The following OAS3 variants were observed in gnomAD, a reference collection of about 807,000 sequenced individuals.
OAS3 encodes the protein 2'-5'-oligoadenylate synthase 3.
OAS3 carries 107 observed loss-of-function variants against 113.0 expected under a neutral mutation model. That is an observed-to-expected ratio of 0.95 (90% CI 0.81 to 1.11). OAS3 has a LOEUF of 1.11. Ranked by LOEUF, OAS3 falls within the 50% of genes most tolerant of loss-of-function variation. OAS3 has a pLI of 0.00. For synonymous variants in OAS3, 552 were observed against 573.6 expected (o/e 0.96, Z 0.54); for missense variants, 1,258 against 1,389.1 (o/e 0.91, Z 1.50).
chr12:112,964,168 G>A (rs2043913010), intron 10 of OAS3, 67 bp from the exon 11 acceptor site: 1 of 1,485,644 alleles, frequency 6.7e-7, no homozygotes, highest in African/African-American at 1.4e-5. Flanking sequence ...AGGACATCAA[G>A]GGGCAGGGCT....
chr12:112,964,711 C>A (rs1057089913), intron 11 of OAS3, among the ~76,000 whole-genome samples: 9 of 152,002 alleles, frequency 5.9e-5, no homozygotes, highest in African/African-American at 2.2e-4. Flanking sequence ...GGAGCCCAGG[C>A]AGCATCATCA....
chr12:112,957,874 T>C (rs942064283), intron 7 of OAS3, among the ~76,000 whole-genome samples: 4 of 152,212 alleles, frequency 2.6e-5, no homozygotes, highest in Admixed American at 2.6e-4. Context: ...TGAATTTTAA[T>C]GTTGGCCTGC....
At chr12:112,955,701 G>C (rs902632877) in intron 7 of OAS3, among the ~76,000 whole-genome samples, 1 of 152,206 alleles carries the variant, frequency 6.6e-6, no homozygotes, top group Non-Finnish European at 1.5e-5. Context: ...GCTTTTTGAT[G>C]TGCTGCTGGA....
chr12:112,964,474 C>T, intron 11 of OAS3, 66 bp downstream of exon 11: 1 of 1,508,126 alleles, frequency 6.6e-7, no homozygotes, highest in Non-Finnish European at 9.0e-7. Context: ...CAGCCCAGGG[C>T]CAGGCTTGAC....
rs549266460 is a variant in OAS3 at position 112,946,370 on chromosome 12, G to C, written c.637-373G>C. On this transcript the variant is annotated intron_variant, in intron 3 of 15. Transcript: ENST00000228928. ...GGCCCGCTGCCCCACCCCACTCCAG[G>C]GGTGAAAGGGCGACAACTTGGTGTC... 8.6e-4 allele frequency among the ~76,000 whole-genome samples: 131 copies of C among 152,246 alleles called. 1 individual carries two copies. Among genetic ancestry groups the C allele is most frequent in the South Asian group, 6.0e-3 (29 of 4,822 alleles).
rs751410598 is a variant in OAS3 at position 112,946,958 on chromosome 12, G to A, written c.852G>A (p.Leu284=). Residue 284 remains leucine, a synonymous_variant, in exon 4 of 16, where the codon TTG becomes TTA. Coordinates refer to ENST00000228928, the MANE Select transcript of OAS3 (RefSeq NM_006187.4). ...GFEDPAVGQF[L]QRQLKRPRPV... ...AGGACCCTGCAGTTGGGCAGTTCTT[G>A]CAGCGGCAGCTTAAGAGACCCAGGT... 6.2e-7 allele frequency: 1 copy of A among 1,614,010 alleles called. No individual in the cohort carries two copies.
intron 1 of OAS3, among the ~76,000 whole-genome samples, 194 bp downstream of exon 1, chr12:112,938,901 C>T (rs951587818): frequency 1.9e-4 from 29 of 152,174 alleles, no homozygotes; most frequent in African/African-American, 2.9e-4. Context: ...CTCTTAAGCC[C>T]GCTTGACAGA....
intron 2 of OAS3, among the ~76,000 whole-genome samples, chr12:112,943,254 C>T (rs1033248216): frequency 6.6e-5 from 10 of 152,120 alleles, no homozygotes; most frequent in African/African-American, 2.2e-4. Context: ...ATATATTAAT[C>T]ATAATAGTTA....
In OAS3 at chr12:112,963,233, C is replaced by T. The variant is rs928167384; in HGVS notation, c.2085-80C>T. The stretch of plus-strand genomic sequence containing the variant: ...GTCCTGACACTCTTTCCAGCCCTCA[C>T]GCCCCTTTTCAGCCCTTCCACCCGC... On this transcript the variant is annotated intron_variant, in intron 9 of 15. Coordinates refer to ENST00000228928, the MANE Select transcript of OAS3 (RefSeq NM_006187.4). The surrounding 1 kb of genome is among the most constrained non-coding windows in gnomAD (Gnocchi z 4.6). 6.3e-6 allele frequency: 9 copies of T among 1,432,670 alleles called. No individual in the cohort carries two copies. Among genetic ancestry groups the T allele is most frequent in the African/African-American group, 1.4e-5 (1 of 70,412 alleles). The allele number at this position is 1,432,670 out of a possible 1,614,324, so 88.7% of individuals were successfully genotyped here. A position where few individuals can be genotyped will look rare whatever the true frequency, so the allele number is the denominator to read the frequency against.
chr12:112,966,411 C>A (rs1482673292), intron 12 of OAS3, among the ~76,000 whole-genome samples: 1 of 152,200 alleles, frequency 6.6e-6, no homozygotes, highest in African/African-American at 2.4e-5. Context: ...CCACCCACCT[C>A]CTCCACCTGC....
intron 2 of OAS3, among the ~76,000 whole-genome samples, chr12:112,943,815 G>A (rs1412338906): frequency 2.0e-5 from 3 of 152,190 alleles, no homozygotes; most frequent in Non-Finnish European, 4.4e-5. Flanking sequence ...CTGAGTTCAA[G>A]CAATTCTCGT....
Position 112,969,987 on chromosome 12 carries a change from A to G in OAS3, c.*14A>G, listed in dbSNP as rs370046037. 15 of 1,606,742 alleles carry G rather than the reference A, an allele frequency of 9.3e-6. No individual in the cohort carries two copies. Among genetic ancestry groups the G allele is most frequent in the Non-Finnish European group, 1.3e-5 (15 of 1,176,562 alleles). On this transcript the variant is annotated 3_prime_UTR_variant, in exon 16 of 16. Coordinates refer to ENST00000228928, the MANE Select transcript of OAS3 (RefSeq NM_006187.4). ...GCTGCTGTGTGAAGTTGAGAAAATC[A>G]GCGGTCCTACTGGATGAAGAGAAGA...
chr12:112,969,510 CA>C, intron 14 of OAS3, 97 bp from the exon 15 acceptor site: 1 of 1,414,626 alleles, frequency 7.1e-7, no homozygotes, highest in Non-Finnish European at 9.8e-7. Flanking sequence ...CTAGCCCCTG[CA>C]AAGTGTTAGA....
intron 1 of OAS3, among the ~76,000 whole-genome samples, chr12:112,938,922 G>A (rs2043654781): frequency 6.6e-6 from 1 of 152,218 alleles, no homozygotes; most frequent in African/African-American, 2.4e-5. Context: ...TAGAGAAAAT[G>A]AGGCACAGAG....
At chr12:112,952,983 T>G (rs1161557242) in intron 7 of OAS3, among the ~76,000 whole-genome samples, 1 of 152,160 alleles carries the variant, frequency 6.6e-6, no homozygotes, top group African/African-American at 2.4e-5. Flanking sequence ...TAGAATTCTT[T>G]TTTTCTATGA....
chr12:112,939,034 T>TTCATTCAC (rs1439511315), intron 1 of OAS3, among the ~76,000 whole-genome samples: 12 of 152,132 alleles, frequency 7.9e-5, no homozygotes, highest in Non-Finnish European at 1.5e-4. Context: ...TTCTTATCCA[T>TTCATTCAC]TCATTCACTC....
intron 12 of OAS3, among the ~76,000 whole-genome samples, chr12:112,966,847 T>C (rs1397697060): frequency 6.6e-6 from 1 of 152,192 alleles, no homozygotes; most frequent in Non-Finnish European, 1.5e-5. Flanking sequence ...TATGACTATG[T>C]TGCCCAGGCT....
In OAS3 at chr12:112,962,867, G is replaced by A. The variant is rs1355340755; in HGVS notation, c.2049G>A (p.Met683Ile). Reference sequence around the variant, plus strand: ...ACTATAGCACTGAGGACCCAGCCATGAGAATGCACCTTCTTGGCCAGCTTC... The same window carrying A: ...ACTATAGCACTGAGGACCCAGCCATAAGAATGCACCTTCTTGGCCAGCTTC... ...TVNYSTEDPA[M>I]RMHLLGQLRK... The change falls in exon 9 of 16, where the codon ATG becomes ATA. Residue 683 changes from methionine (M) to isoleucine (I), a missense_variant. Physicochemically the swap from Met to Ile is conservative, Grantham distance 10. Coordinates refer to ENST00000228928, the MANE Select transcript of OAS3 (RefSeq NM_006187.4). 3.1e-6 allele frequency: 5 copies of A among 1,613,988 alleles called. No individual in the cohort carries two copies. Among genetic ancestry groups the A allele is most frequent in the Middle Eastern group, 1.6e-4 (1 of 6,062 alleles).
chr12:112,963,163 A>C lies in OAS3; in HGVS notation c.2085-150A>C. 1 of 1,058,612 alleles carries C rather than the reference A, an allele frequency of 9.4e-7. No individual in the cohort carries two copies. Among genetic ancestry groups the C allele is most frequent in the Non-Finnish European group, 1.3e-6 (1 of 753,558 alleles). The allele number at this position is 1,058,612 out of a possible 1,614,324, so 65.6% of individuals were successfully genotyped here. The stretch of plus-strand genomic sequence containing the variant: ...AATAGCTTTCCAACCAAGGCAGCCA[A>C]TTGAGATCGCTTCTGCACTTGGGCA... On this transcript the variant is annotated intron_variant, in intron 9 of 15. Transcript: ENST00000228928. The surrounding 1 kb of genome is among the most constrained non-coding windows in gnomAD (Gnocchi z 4.6).
Sources: gnomAD v4.1 joint callset for allele counts (sites outside exome capture counted in the v4.1 genomes callset) on GRCh38, gnomAD v4.1.1 for gene constraint, Gnocchi (gnomAD v3.1) non-coding constraint, MANE v1.5 for transcripts, NCBI Gene and HGNC (gene_info 2026-07-23, HGNC 2026-07-21) for gene names.